Variants in RCOR1 observed in about 807,000 individuals in gnomAD.
RCOR1 encodes the protein REST corepressor 1, also known as REST corepressor.
A neutral mutation model predicts 64.0 loss-of-function variants in RCOR1; 12 were observed. The observed-to-expected ratio is 0.19, with a 90% CI of 0.12 to 0.30. The LOEUF (loss-of-function observed/expected upper bound fraction) is 0.30, where lower values mean the gene tolerates loss of function less well. Ranked by LOEUF, RCOR1 falls within the 10% of genes least tolerant of loss-of-function variation. The pLI is 1.00. For synonymous variants in RCOR1, 279 were observed against 227.2 expected, an observed-to-expected ratio of 1.23 and a Z score of -2.05; for missense variants, 502 against 621.2, an observed-to-expected ratio of 0.81 and a Z score of 2.04.
At chr14:102,593,607 C>T (rs1038808511) in intron 2 of RCOR1, among the ~76,000 whole-genome samples, 1 of 152,212 alleles carries the variant, frequency 6.6e-6, no homozygotes, top group African/African-American at 2.4e-5. Flanking sequence ...GTGGCCACAC[C>T]TGGCCTGGGG....
intron 3 of RCOR1, among the ~76,000 whole-genome samples, chr14:102,696,721 C>T (rs1895657302): frequency 6.6e-6 from 1 of 151,690 alleles, no homozygotes; most frequent in Non-Finnish European, 1.5e-5. Flanking sequence ...TCTTTAAGAG[C>T]AGTTTTTTGT....
chr14:102,665,296 C>A (rs1201168794), intron 2 of RCOR1, among the ~76,000 whole-genome samples: 1 of 149,808 alleles, frequency 6.7e-6, no homozygotes, highest in African/African-American at 2.5e-5. Flanking sequence ...TGAGCCACCA[C>A]ACCTGGCCTC....
intron 7 of RCOR1, among the ~76,000 whole-genome samples, chr14:102,712,610 G>A (rs996599560): frequency 1.3e-5 from 2 of 148,890 alleles, no homozygotes; most frequent in Admixed American, 6.7e-5. Context: ...CATTAGAACC[G>A]ATTCCTGGAA....
At chr14:102,707,993 T>G (rs1595240372) in intron 5 of RCOR1, among the ~76,000 whole-genome samples, 2 of 130,004 alleles carry the variant, frequency 1.5e-5, no homozygotes, top group Non-Finnish European at 3.2e-5. Flanking sequence ...TGAGATGGAG[T>G]CTCACTGTGT....
At chr14:102,593,391 G>A in intron 2 of RCOR1, 66 bp downstream of exon 2, 1 of 1,415,912 alleles carries the variant, frequency 7.1e-7, no homozygotes. Flanking sequence ...CGGCGAGCCC[G>A]AGGGGGCGGG....
intron 4 of RCOR1, among the ~76,000 whole-genome samples, chr14:102,706,652 C>G (rs1234329210): frequency 6.6e-6 from 1 of 151,988 alleles, no homozygotes; most frequent in African/African-American, 2.4e-5. Context: ...ATGGCAAAAC[C>G]CTGTCTCTAC....
At chr14:102,632,537 A>G (rs1156753237) in intron 2 of RCOR1, among the ~76,000 whole-genome samples, 2 of 151,518 alleles carry the variant, frequency 1.3e-5, no homozygotes, top group African/African-American at 4.9e-5. Context: ...AGCTTTCCTG[A>G]AGGATTTTTC....
At chr14:102,662,682 A>G (rs1595218446) in intron 2 of RCOR1, 1 of 442,224 alleles carries the variant, frequency 2.3e-6, no homozygotes, top group South Asian at 1.8e-5. Context: ...GAGGGGCAGG[A>G]GCTTCCTTCT....
At chr14:102,648,719 G>A (rs774736952) in intron 2 of RCOR1, among the ~76,000 whole-genome samples, 4 of 152,140 alleles carry the variant, frequency 2.6e-5, no homozygotes, top group Non-Finnish European at 5.9e-5. Context: ...ATTCATTTTA[G>A]CCCTTTTCCT....
chr14:102,659,538 C>A (rs1481144674), intron 2 of RCOR1, among the ~76,000 whole-genome samples: 1 of 152,162 alleles, frequency 6.6e-6, no homozygotes, highest in African/African-American at 2.4e-5. Context: ...CGAGAGAGCT[C>A]TGGGCTGGAA....
intron 2 of RCOR1, among the ~76,000 whole-genome samples, chr14:102,674,407 TCCA>T (rs1290186777): frequency 6.6e-6 from 1 of 152,202 alleles, no homozygotes; most frequent in Non-Finnish European, 1.5e-5. Context: ...TTAAAAAACC[TCCA>T]CCAATAGTTT....
intron 2 of RCOR1, among the ~76,000 whole-genome samples, chr14:102,606,934 GTT>G (rs11464849): frequency 0.55 from 60,824 of 111,484 alleles, 13,778 homozygotes; most frequent in Middle Eastern, 0.64. Context: ...TTTTGTGTTA[GTT>G]TTTTTTTTTT....
At chr14:102,687,824 A>C (rs1202588685) in intron 3 of RCOR1, among the ~76,000 whole-genome samples, 4 of 152,230 alleles carry the variant, frequency 2.6e-5, no homozygotes, top group African/African-American at 9.6e-5. Context: ...GGGACTCAGC[A>C]GAAGGTGCTA....
intron 2 of RCOR1, chr14:102,662,411 A>G (rs1317798395): frequency 1.8e-5 from 10 of 561,356 alleles, no homozygotes; most frequent in Admixed American, 5.7e-5. Context: ...TTTAACATCT[A>G]CAATGAACAC....
intron 2 of RCOR1, among the ~76,000 whole-genome samples, chr14:102,621,367 CTTTTTT>C (rs35481023): frequency 6.6e-4 from 52 of 78,514 alleles, no homozygotes; most frequent in Middle Eastern, 8.5e-3. Flanking sequence ...CAGTCTTTGT[CTTTTTT>C]TTTTTTTTTT....
chr14:102,676,344 C>A (rs113547292), intron 2 of RCOR1, among the ~76,000 whole-genome samples: 1 of 118,056 alleles, frequency 8.5e-6, no homozygotes, highest in African/African-American at 3.6e-5. Context: ...GGGGGGCTGA[C>A]CCCCCCACCA....
chr14:102,596,656 C>T (rs1014511427), intron 2 of RCOR1, among the ~76,000 whole-genome samples: 6 of 151,994 alleles, frequency 3.9e-5, no homozygotes, highest in East Asian at 3.9e-4. Flanking sequence ...CCTCCACCTC[C>T]GAGGTTCAAG....
At chr14:102,666,370 G>GA (rs1435219880) in intron 2 of RCOR1, among the ~76,000 whole-genome samples, 14 of 152,180 alleles carry the variant, frequency 9.2e-5, no homozygotes, top group Non-Finnish European at 1.9e-4. Context: ...AAGTTGTAAA[G>GA]ATAGTACAAA....
At chr14:102,695,260 T>C (rs1895620278) in intron 3 of RCOR1, 1 of 152,220 alleles carries the variant, frequency 6.6e-6, no homozygotes. Context: ...TCAACCACAG[T>C]TCTATTAACT....
Sources: allele counts gnomAD v4.1 joint callset (sites outside exome capture counted in the v4.1 genomes callset), GRCh38; gene constraint gnomAD v4.1.1; transcripts MANE v1.5; gene names NCBI Gene and HGNC (gene_info 2026-07-23, HGNC 2026-07-21).